NKAIN3: variants seen among roughly 807,000 people sequenced by gnomAD.
The protein encoded by NKAIN3 is sodium/potassium-transporting ATPase subunit beta-1-interacting protein 3.
NKAIN3 carries 25 observed loss-of-function variants against 30.2 expected under a neutral mutation model. The observed-to-expected ratio is 0.83, with a 90% CI of 0.60 to 1.16. The LOEUF is 1.16. NKAIN3 is among the 50% of genes most tolerant of loss of function. The probability of loss-of-function intolerance (pLI) is 0.00; values close to 1 mark genes in which losing one functional copy is unlikely to be tolerated. For missense variants in NKAIN3, 225 were observed against 254.1 expected, an observed-to-expected ratio of 0.89 and a Z score of 0.78; for synonymous variants, 91 against 89.6, an observed-to-expected ratio of 1.02 and a Z score of -0.09.
At chr8:62,470,375 C>T (rs1806291484) in intron 1 of NKAIN3, among the ~76,000 whole-genome samples, 2 of 152,222 alleles carry the variant, frequency 1.3e-5, no homozygotes. Flanking sequence ...TAGCCATCCA[C>T]AAATATAGTA....
intron 1 of NKAIN3, among the ~76,000 whole-genome samples, chr8:62,376,571 C>A (rs1025700108): frequency 4.6e-5 from 7 of 152,174 alleles, no homozygotes; most frequent in Non-Finnish European, 8.8e-5. Context: ...GACCACTCTG[C>A]ATCTTGGCCT....
At chr8:62,354,966 A>T (rs1293908242) in intron 1 of NKAIN3, among the ~76,000 whole-genome samples, 1 of 152,086 alleles carries the variant, frequency 6.6e-6, no homozygotes, top group South Asian at 2.1e-4. Flanking sequence ...TCTTTATTAC[A>T]CTAGAGAGTA....
intron 1 of NKAIN3, among the ~76,000 whole-genome samples, chr8:62,417,134 C>T (rs1042541140): frequency 4.6e-5 from 7 of 151,914 alleles, no homozygotes; most frequent in Non-Finnish European, 1.0e-4. Context: ...CTACCCTTGC[C>T]AGCCTCTGAT....
rs139618298 is a variant in NKAIN3, at chr8:62,550,613, A to T, written c.55-28926A>T. 3.4e-4 allele frequency among the ~76,000 whole-genome samples: 52 copies of T among 152,376 alleles called. 1 individual carries two copies. The East Asian group carries it at 7.9e-3, about 23-fold the overall frequency. ...TGGAGAGTAGAAATGAGTTTAAAAG[A>T]GTAAAGTTCTCAAGGAAAACTCTCT... On this transcript the variant is annotated intron_variant, in intron 1 of 6. Transcript: ENST00000623646.
chr8:62,681,586 G>C (rs541572689), intron 3 of NKAIN3, among the ~76,000 whole-genome samples: 1 of 152,280 alleles, frequency 6.6e-6, no homozygotes, highest in South Asian at 2.1e-4. Context: ...GTGATTAAGT[G>C]GGTTGAAGGC....
chr8:62,928,806 A>C (rs1318622172), intron 5 of NKAIN3, among the ~76,000 whole-genome samples: 3 of 152,216 alleles, frequency 2.0e-5, no homozygotes, highest in Non-Finnish European at 4.4e-5. Flanking sequence ...AGAAAGGTTG[A>C]CCATATAATT....
At chr8:62,746,831 T>C (rs924436188) in intron 3 of NKAIN3, 101 bp from the exon 4 acceptor site, 9 of 758,820 alleles carry the variant, frequency 1.2e-5, no homozygotes, top group East Asian at 2.6e-5. Context: ...TTGAAATCAC[T>C]GTAGCAATTT....
chr8:62,292,478 T>G (rs922144311), intron 1 of NKAIN3, among the ~76,000 whole-genome samples: 4 of 152,238 alleles, frequency 2.6e-5, no homozygotes, highest in African/African-American at 4.8e-5. Flanking sequence ...AGGATTTTAT[T>G]TCTCCTTCAC....
chr8:62,521,155 G>T (rs918338023), intron 1 of NKAIN3, among the ~76,000 whole-genome samples: 3 of 151,834 alleles, frequency 2.0e-5, no homozygotes, highest in Admixed American at 1.3e-4. Context: ...CTCTGTCTGG[G>T]ATGATTTAGT....
rs886499718 is a variant in NKAIN3 at position 62,955,466 on chromosome 8, A to G, written c.603+1494A>G. On this transcript the variant is annotated intron_variant, in intron 6 of 6. Coordinates refer to ENST00000623646, the MANE Select transcript of NKAIN3 (RefSeq NM_001304533.3). ...AGAACTAAGACAATGCCTAGTGGTGACTTAAAGAGTCTTCATATATTTGTT... is the reference window on the plus strand; with the variant it reads ...AGAACTAAGACAATGCCTAGTGGTGGCTTAAAGAGTCTTCATATATTTGTT... 1.2e-4 allele frequency among the ~76,000 whole-genome samples: 19 copies of G among 152,248 alleles called. No individual in the cohort carries two copies. In the East Asian group the frequency reaches 3.7e-3, roughly 29 times the overall value.
chr8:62,917,032 G>A (rs905921345), intron 4 of NKAIN3, among the ~76,000 whole-genome samples: 20 of 151,906 alleles, frequency 1.3e-4, no homozygotes, highest in African/African-American at 4.8e-4. Flanking sequence ...TATAGCCAAA[G>A]TACCACCATC....
chr8:62,587,125 T>C lies in NKAIN3; in HGVS notation c.193-2589T>C, dbSNP rs148286253. On this transcript the variant is annotated intron_variant, in intron 2 of 6. Coordinates refer to ENST00000623646, the MANE Select transcript of NKAIN3 (RefSeq NM_001304533.3). ...TTTGGCCATTGGTTATCCCAATGCTTCCTGCCTAGCTAAATTTCTATGGCC... is the reference window on the plus strand; with the variant it reads ...TTTGGCCATTGGTTATCCCAATGCTCCCTGCCTAGCTAAATTTCTATGGCC... 9.3e-4 allele frequency among the ~76,000 whole-genome samples: 141 copies of C among 152,074 alleles called. 1 individual carries two copies. In the Middle Eastern group the frequency reaches 0.02, roughly 22 times the overall value.
rs76212291 is a variant in NKAIN3, at chr8:62,645,879, C to T, written c.273+56085C>T. Among the ~76,000 whole-genome samples the T allele has an allele frequency of 5.8e-4, 88 of 152,224 alleles. 1 individual carries two copies. In the East Asian group the frequency reaches 0.015, roughly 26 times the overall value. On this transcript the variant is annotated intron_variant, in intron 3 of 6. Transcript: ENST00000623646. ...TTCAAATTTTCAATTGCTTAGCTCA[C>T]AAAACAACTTTCAAAAACTATGTTC...
At chr8:62,715,056 G>A (rs937663403) in intron 3 of NKAIN3, among the ~76,000 whole-genome samples, 1 of 152,058 alleles carries the variant, frequency 6.6e-6, no homozygotes, top group African/African-American at 2.4e-5. Context: ...AAAGGTAATG[G>A]GGAAGCAGGT....
intron 1 of NKAIN3, among the ~76,000 whole-genome samples, chr8:62,263,112 C>T (rs1203729263): frequency 6.6e-6 from 1 of 152,100 alleles, no homozygotes; most frequent in African/African-American, 2.4e-5. Context: ...ATTGTTTTCA[C>T]ATTTAGAGGA....
chr8:62,635,458 G>T (rs1384058472), intron 3 of NKAIN3, among the ~76,000 whole-genome samples: 4 of 152,160 alleles, frequency 2.6e-5, no homozygotes, highest in Non-Finnish European at 4.4e-5. Flanking sequence ...ACTTCCTTCT[G>T]CACAGCATGC....
chr8:62,920,996 G>T (rs993768051), intron 5 of NKAIN3, among the ~76,000 whole-genome samples: 1 of 152,166 alleles, frequency 6.6e-6, no homozygotes, highest in African/African-American at 2.4e-5. Context: ...GTCTTCAGAA[G>T]GCAGATGTGA....
intron 4 of NKAIN3, among the ~76,000 whole-genome samples, chr8:62,807,556 G>GTT (rs11482643): frequency 0.12 from 16,683 of 134,160 alleles, 1,163 homozygotes; most frequent in Non-Finnish European, 0.13. Context: ...TTCTTTTCTG[G>GTT]TTTTTTTTTT....
intron 4 of NKAIN3, among the ~76,000 whole-genome samples, chr8:62,793,768 T>C (rs1817768061): frequency 6.6e-6 from 1 of 152,180 alleles, no homozygotes; most frequent in African/African-American, 2.4e-5. Flanking sequence ...ATCTCCAACA[T>C]TGAAGTTTCA....
Sources: gnomAD v4.1 joint callset for allele counts (sites outside exome capture counted in the v4.1 genomes callset) on GRCh38, gnomAD v4.1.1 for gene constraint, MANE v1.5 for transcripts, NCBI Gene and HGNC (gene_info 2026-07-23, HGNC 2026-07-21) for gene names.